The following TNS1 variants were observed in gnomAD, a reference collection of about 807,000 sequenced individuals.
The protein encoded by TNS1 is tensin-1.
Under a neutral mutation model 168.6 loss-of-function variants are expected in TNS1, and 62 were observed. The ratio of observed to expected loss-of-function variants is 0.37; its 90% confidence interval spans 0.30 to 0.45. The LOEUF is 0.45. TNS1 is among the 20% of genes least tolerant of loss of function. The pLI is 1.00. For synonymous variants in TNS1, 934 were observed against 933.2 expected, an observed-to-expected ratio of 1.00 and a Z score of -0.02; for missense variants, 2,240 against 2,339.4, an observed-to-expected ratio of 0.96 and a Z score of 0.88.
At chr2:217,979,862 G>A (rs757294986) in intron 2 of TNS1, among the ~76,000 whole-genome samples, 1 of 151,960 alleles carries the variant, frequency 6.6e-6, no homozygotes, top group Non-Finnish European at 1.5e-5. Context: ...CCACAGCCCA[G>A]GACCACAGCC....
chr2:217,807,435 T>C lies in TNS1; in HGVS notation c.5375+640A>G, dbSNP rs555672734. ...CTGTACATCAGGTACAATCCAAGGA[T>C]GCTAGGATCCTTGGAATACAGTTTG... On this transcript the variant is annotated intron_variant, in intron 32 of 32. Coordinates refer to ENST00000682258, the MANE Select transcript of TNS1 (RefSeq NM_001387777.1). 1.6e-4 allele frequency among the ~76,000 whole-genome samples: 25 copies of C among 152,306 alleles called. 2 individuals carry two copies. The South Asian group carries it at 5.0e-3, about 30-fold the overall frequency.
At chr2:217,981,702 C>T (rs1000371410) in intron 2 of TNS1, among the ~76,000 whole-genome samples, 1 of 152,146 alleles carries the variant, frequency 6.6e-6, no homozygotes, top group Non-Finnish European at 1.5e-5. Flanking sequence ...CAAGGAGGCC[C>T]GCTTGCTGAG....
chr2:217,933,131 A>G (rs1002476435), intron 3 of TNS1, among the ~76,000 whole-genome samples: 1 of 152,180 alleles, frequency 6.6e-6, no homozygotes, highest in Non-Finnish European at 1.5e-5. Context: ...GGCTGTCACC[A>G]GCATTGTTTG....
At chr2:217,978,734 C>G in intron 3 of TNS1, 31 bp downstream of exon 3, 1 of 701,898 alleles carries the variant, frequency 1.4e-6, no homozygotes, top group Non-Finnish European at 2.6e-6. Context: ...GTCCCAAGTC[C>G]TCCCGGGCCC....
chr2:217,923,535 G>A (rs767008029), intron 3 of TNS1, among the ~76,000 whole-genome samples: 11 of 152,184 alleles, frequency 7.2e-5, no homozygotes, highest in Non-Finnish European at 1.5e-4. Context: ...CAGGAGGCAC[G>A]ATGCAAAGTC....
intron 22 of TNS1, among the ~76,000 whole-genome samples, chr2:217,827,059 C>T (rs1204866400): frequency 6.6e-6 from 1 of 152,016 alleles, no homozygotes; most frequent in African/African-American, 2.4e-5. Context: ...GCCACATGCC[C>T]CCTCCTCCCA....
chr2:218,020,688 G>T (rs762657755), intron 1 of TNS1, among the ~76,000 whole-genome samples: 11 of 152,190 alleles, frequency 7.2e-5, no homozygotes, highest in Non-Finnish European at 1.0e-4. Context: ...TGAGTTAAAG[G>T]CCTGGGGGCT....
chr2:217,952,804 G>C (rs893187419), intron 3 of TNS1, among the ~76,000 whole-genome samples: 2 of 152,214 alleles, frequency 1.3e-5, no homozygotes, highest in Non-Finnish European at 2.9e-5. Flanking sequence ...ATTGGGGCAA[G>C]AAGGGCCCCC....
At chr2:217,998,456 G>C (rs772140433) in intron 1 of TNS1, among the ~76,000 whole-genome samples, 1 of 152,166 alleles carries the variant, frequency 6.6e-6, no homozygotes, top group African/African-American at 2.4e-5. Flanking sequence ...GGATTTCCTC[G>C]TTTAATCCTC....
intron 12 of TNS1, among the ~76,000 whole-genome samples, chr2:217,888,523 C>T (rs1162988971): frequency 6.6e-6 from 1 of 152,212 alleles, no homozygotes; most frequent in Non-Finnish European, 1.5e-5. Context: ...TGCATCCTCA[C>T]CCAAATCTCA....
intron 3 of TNS1, among the ~76,000 whole-genome samples, chr2:217,931,986 G>C (rs1194755999): frequency 6.6e-6 from 1 of 152,066 alleles, no homozygotes; most frequent in Non-Finnish European, 1.5e-5. Flanking sequence ...TGAGGAACAG[G>C]GTGGAAAGCA....
intron 19 of TNS1, among the ~76,000 whole-genome samples, chr2:217,843,357 C>A (rs565357995): frequency 7.9e-5 from 12 of 152,054 alleles, no homozygotes; most frequent in African/African-American, 2.7e-4. Context: ...CATCCTTCCT[C>A]CCCCCATGTC....
At chr2:217,976,755 C>A (rs372445081) in intron 3 of TNS1, among the ~76,000 whole-genome samples, 1 of 152,384 alleles carries the variant, frequency 6.6e-6, no homozygotes, top group East Asian at 1.9e-4. Context: ...CTGGGCCACC[C>A]ATCTCCCCCA....
chr2:217,899,457 G>GAGGGC (rs1344237821), intron 7 of TNS1, among the ~76,000 whole-genome samples: 3 of 152,206 alleles, frequency 2.0e-5, no homozygotes, highest in African/African-American at 7.2e-5. Flanking sequence ...AAGTGGGTGT[G>GAGGGC]AGGGCGGGGA....
Position 217,835,084 on chromosome 2 carries a change from T to C in TNS1, c.3280+7A>G. 1 of 1,563,000 alleles carries C rather than the reference T, an allele frequency of 6.4e-7. No individual in the cohort carries two copies. Among genetic ancestry groups the C allele is most frequent in the Non-Finnish European group, 8.6e-7 (1 of 1,162,392 alleles). On this transcript the variant is annotated splice_region_variant and intron_variant, in intron 21 of 32. Transcript: ENST00000682258. The stretch of plus-strand genomic sequence containing the variant: ...CAGGGAAGACGAGCTTCACAGGGAA[T>C]TCTTACCCCCACTGGGTGGTGGGCT...
At position 218,028,365 on chromosome 2, in the gene TNS1, G is replaced by A. The variant is rs116305642; in HGVS notation, c.156+5455C>T. On this transcript the variant is annotated intron_variant, in intron 1 of 1. Coordinates refer to the TNS1 transcript ENST00000649572. The stretch of plus-strand genomic sequence containing the variant: ...CTCCACCCCGTACAGCAGGCCACCC[G>A]GGCCTATCACCACCATCCTCTTGCA... Among the ~76,000 whole-genome samples the A allele has an allele frequency of 7.4e-3, 1,119 of 152,214 alleles. 14 individuals carry two copies. The highest frequency in any genetic ancestry group is 0.026 in the African/African-American group (1,062 of 41,510).
upstream of TNS1, chr2:218,003,085 TCC>T: frequency 2.9e-6 from 1 of 348,888 alleles, no homozygotes; most frequent in Admixed American, 3.4e-5. Context: ...TCCTCTCTCC[TCC>T]CTCCTCCCAG....
chr2:217,961,760 A>T (rs1957502985), intron 3 of TNS1, among the ~76,000 whole-genome samples: 1 of 152,188 alleles, frequency 6.6e-6, no homozygotes, highest in Non-Finnish European at 1.5e-5. Flanking sequence ...CCGAGAAAAG[A>T]ACTTTTGCTG....
intron 9 of TNS1, 93 bp downstream of exon 9, chr2:217,894,913 G>A: frequency 8.0e-7 from 1 of 1,256,434 alleles, no homozygotes. Context: ...AACTGTCACA[G>A]CATTTTCCCC....
Sources: allele counts gnomAD v4.1 joint callset (sites outside exome capture counted in the v4.1 genomes callset), GRCh38; gene constraint gnomAD v4.1.1; transcripts MANE v1.5; gene names NCBI Gene and HGNC (gene_info 2026-07-23, HGNC 2026-07-21).